THSD7B: variants seen among roughly 807,000 people sequenced by gnomAD.
The protein encoded by THSD7B is thrombospondin type 1 domain containing 7B, also known as thrombospondin type-1 domain-containing protein 7B.
Under a neutral mutation model 213.6 loss-of-function variants are expected in THSD7B, and 138 were observed. The observed-to-expected ratio is 0.65, with a 90% CI of 0.56 to 0.74. The LOEUF is 0.74. Ranked by LOEUF, THSD7B falls within the 30% of genes least tolerant of loss-of-function variation. The pLI, the probability that THSD7B is intolerant of heterozygous loss-of-function variation, is 0.00. For synonymous variants in THSD7B, 742 were observed against 687.0 expected, an observed-to-expected ratio of 1.08 and a Z score of -1.25; for missense variants, 1,931 against 1,991.5, an observed-to-expected ratio of 0.97 and a Z score of 0.58.
chr2:137,605,694 G>T (rs1311550107), intron 17 of THSD7B, among the ~76,000 whole-genome samples: 1 of 104,574 alleles, frequency 9.6e-6, no homozygotes, highest in African/African-American at 4.2e-5. Flanking sequence ...TTTTGAGACG[G>T]AGTCCTGCTC....
intron 2 of THSD7B, among the ~76,000 whole-genome samples, chr2:137,035,172 G>A (rs1558894832): frequency 6.6e-6 from 1 of 152,134 alleles, no homozygotes; most frequent in Non-Finnish European, 1.5e-5. Flanking sequence ...TGGAAGTTGT[G>A]TGTCTCTTAT....
chr2:137,405,163 T>A (rs1036919415), intron 12 of THSD7B, among the ~76,000 whole-genome samples: 5 of 146,300 alleles, frequency 3.4e-5, no homozygotes, highest in African/African-American at 1.0e-4. Context: ...ATACTGACTG[T>A]ATAGGTCTAC....
intron 12 of THSD7B, among the ~76,000 whole-genome samples, chr2:137,350,908 T>G (rs1434640846): frequency 6.6e-6 from 1 of 151,944 alleles, no homozygotes; most frequent in Non-Finnish European, 1.5e-5. Context: ...TGCCACTTAC[T>G]GAGTTAGTTG....
intron 5 of THSD7B, among the ~76,000 whole-genome samples, chr2:137,148,548 C>T (rs577224299): frequency 3.3e-5 from 5 of 152,210 alleles, no homozygotes; most frequent in South Asian, 2.1e-4. Context: ...ATGTAGGAAA[C>T]TTTGGAACTT....
At chr2:137,538,562 T>C (rs1680550367) in intron 15 of THSD7B, 6 of 496,414 alleles carry the variant, frequency 1.2e-5, no homozygotes, top group Non-Finnish European at 2.4e-5. Flanking sequence ...GATGTTTTCC[T>C]TCACAAACCA....
chr2:136,836,541 C>T (rs1032730373), intron 1 of THSD7B, among the ~76,000 whole-genome samples: 11 of 152,174 alleles, frequency 7.2e-5, no homozygotes, highest in African/African-American at 2.2e-4. Flanking sequence ...GAGCTTAGCA[C>T]CTCACTGGCT....
At chr2:137,021,028 T>C (rs796704710) in intron 2 of THSD7B, among the ~76,000 whole-genome samples, 11 of 152,320 alleles carry the variant, frequency 7.2e-5, no homozygotes, top group African/African-American at 2.4e-4. Context: ...AACTGGTTAG[T>C]TCTTACTACC....
intron 5 of THSD7B, among the ~76,000 whole-genome samples, chr2:137,150,495 T>TC (rs773374574): frequency 3.3e-5 from 5 of 151,780 alleles, no homozygotes; most frequent in Admixed American, 2.6e-4. Context: ...ATAAGGGGCT[T>TC]CCCCCCCTAC....
intron 15 of THSD7B, among the ~76,000 whole-genome samples, chr2:137,546,105 TAAGA>T (rs1362514064): frequency 1.3e-5 from 2 of 150,504 alleles, no homozygotes; most frequent in South Asian, 2.1e-4. Flanking sequence ...CTGAGAAATA[TAAGA>T]AAGACTCTAA....
At position 137,056,458 on chromosome 2, in the gene THSD7B, G is replaced by A; in HGVS notation, c.178G>A (p.Gly60Arg). ...GTGTACAGGAGACTGTGGTCCCGGAGGAGTCCAGAGTCGGGCAGTGTGGTG... is the reference window on the plus strand; with the variant it reads ...GTGTACAGGAGACTGTGGTCCCGGAAGAGTCCAGAGTCGGGCAGTGTGGTG... ...GRCTGDCGPG[G>R]VQSRAVWCFH... The change falls in exon 3 of 28, where the codon GGA (glycine) becomes AGA (arginine). Residue 60 changes from glycine to arginine, a missense_variant. Coordinates refer to ENST00000409968, the MANE Select transcript of THSD7B (RefSeq NM_001316349.2). The A allele has an allele frequency of 6.2e-7, 1 of 1,613,972 alleles. No homozygotes were observed. Among genetic ancestry groups the A allele is most frequent in the South Asian group, 1.1e-5 (1 of 91,086 alleles).
chr2:137,244,405 A>C (rs542115280), intron 10 of THSD7B, among the ~76,000 whole-genome samples: 1 of 152,204 alleles, frequency 6.6e-6, no homozygotes, highest in African/African-American at 2.4e-5. Flanking sequence ...TACATAGGGA[A>C]GCAGATTAAC....
intron 1 of THSD7B, among the ~76,000 whole-genome samples, chr2:136,880,996 C>A (rs891217829): frequency 6.6e-6 from 1 of 152,104 alleles, no homozygotes; most frequent in Non-Finnish European, 1.5e-5. Context: ...GTCCATTCCT[C>A]CCTCTTGTTT....
chr2:137,254,661 G>A (rs534080987), intron 10 of THSD7B, among the ~76,000 whole-genome samples: 5 of 152,248 alleles, frequency 3.3e-5, no homozygotes, highest in Admixed American at 1.3e-4. Flanking sequence ...ATGCTCATGT[G>A]TAACATAGAT....
chr2:137,403,001 T>C (rs1686407407), intron 12 of THSD7B, among the ~76,000 whole-genome samples: 1 of 152,170 alleles, frequency 6.6e-6, no homozygotes, highest in Admixed American at 6.5e-5. Context: ...CATTTGCTTG[T>C]ACCCTACTTG....
chr2:137,333,192 A>C (rs558135420), intron 12 of THSD7B, among the ~76,000 whole-genome samples: 1 of 152,108 alleles, frequency 6.6e-6, no homozygotes, highest in Non-Finnish European at 1.5e-5. Flanking sequence ...AACCCCCTTC[A>C]TCCCCTGCCC....
intron 1 of THSD7B, among the ~76,000 whole-genome samples, chr2:136,773,066 C>T (rs1237511198): frequency 2.0e-5 from 3 of 151,896 alleles, no homozygotes; most frequent in East Asian, 1.9e-4. Flanking sequence ...TCACATTCAG[C>T]GCTGTCTAAA....
At chr2:137,144,824 G>T (rs571018587) in intron 5 of THSD7B, among the ~76,000 whole-genome samples, 13 of 151,954 alleles carry the variant, frequency 8.6e-5, no homozygotes, top group Non-Finnish European at 1.3e-4. Flanking sequence ...AATTAATCAA[G>T]GATTTTATCT....
intron 1 of THSD7B, among the ~76,000 whole-genome samples, chr2:136,844,084 C>A (rs1163829704): frequency 6.6e-6 from 1 of 152,098 alleles, no homozygotes; most frequent in African/African-American, 2.4e-5. Flanking sequence ...TGATTTTGAT[C>A]TTTTTCAGAT....
intron 12 of THSD7B, among the ~76,000 whole-genome samples, chr2:137,387,176 G>C (rs1391669370): frequency 1.3e-5 from 2 of 152,212 alleles, no homozygotes; most frequent in African/African-American, 2.4e-5. Context: ...CTTTGCATAG[G>C]AACATGTGGC....
Sources: gnomAD v4.1 joint callset for allele counts (sites outside exome capture counted in the v4.1 genomes callset) on GRCh38, gnomAD v4.1.1 for gene constraint, MANE v1.5 for transcripts, NCBI Gene and HGNC (gene_info 2026-07-23, HGNC 2026-07-21) for gene names.